The following LMBR1 variants were observed in gnomAD, a reference collection of about 807,000 sequenced individuals.
LMBR1 encodes limb development membrane protein 1.
Under a neutral mutation model 73.9 loss-of-function variants are expected in LMBR1, and 52 were observed. That is an observed-to-expected ratio of 0.70 (90% confidence interval 0.56 to 0.89). LMBR1 has a LOEUF of 0.89. Ranked by LOEUF, LMBR1 falls within the 40% of genes least tolerant of loss-of-function variation. LMBR1 has a pLI of 0.00. For missense variants in LMBR1, 539 were observed against 579.8 expected (o/e 0.93, Z 0.72); for synonymous variants, 215 against 209.4 (o/e 1.03, Z -0.23).
At chr7:156,877,403 C>G (rs1800339438) in intron 1 of LMBR1, among the ~76,000 whole-genome samples, 1 of 152,118 alleles carries the variant, frequency 6.6e-6, no homozygotes, top group Non-Finnish European at 1.5e-5. Flanking sequence ...TTCTATGAAG[C>G]CAGTATCATC....
At chr7:156,757,899 C>T (rs748952053) in intron 8 of LMBR1, among the ~76,000 whole-genome samples, 7 of 152,096 alleles carry the variant, frequency 4.6e-5, no homozygotes, top group East Asian at 1.9e-4. Context: ...CATACCAACT[C>T]GATCCTTGAG....
intron 1 of LMBR1, among the ~76,000 whole-genome samples, chr7:156,853,129 G>A (rs904220865): frequency 2.0e-5 from 3 of 151,632 alleles, no homozygotes; most frequent in Admixed American, 6.6e-5. Flanking sequence ...TAGTAGAGAC[G>A]GGATTTCACT....
chr7:156,694,152 C>T (rs1278299010), intron 15 of LMBR1, among the ~76,000 whole-genome samples: 2 of 152,012 alleles, frequency 1.3e-5, no homozygotes, highest in African/African-American at 2.4e-5. Context: ...ATTTATCTCA[C>T]CATAATAGAG....
chr7:156,783,987 G>GT (rs1391564136), intron 5 of LMBR1, among the ~76,000 whole-genome samples: 4 of 145,522 alleles, frequency 2.7e-5, no homozygotes, highest in Admixed American at 2.7e-4. Flanking sequence ...TGTTATTTTG[G>GT]GTTTTTTTCT....
intron 4 of LMBR1, among the ~76,000 whole-genome samples, chr7:156,811,152 T>A (rs1260786601): frequency 6.6e-6 from 1 of 152,172 alleles, no homozygotes; most frequent in Non-Finnish European, 1.5e-5. Context: ...CTCAAATTCA[T>A]TAATCTCTTC....
chr7:156,874,963 C>T (rs1389016680), intron 1 of LMBR1, among the ~76,000 whole-genome samples: 17 of 152,090 alleles, frequency 1.1e-4, no homozygotes, highest in Non-Finnish European at 2.9e-5. Context: ...CCTGATTTAC[C>T]TGAAAAATAA....
At chr7:156,824,559 TA>T (rs1166123419) in intron 4 of LMBR1, among the ~76,000 whole-genome samples, 1 of 152,148 alleles carries the variant, frequency 6.6e-6, no homozygotes. Flanking sequence ...GTGTCACACA[TA>T]AAAAGTGACA....
downstream of LMBR1, chr7:156,676,433 G>C: frequency 1.2e-6 from 2 of 1,614,068 alleles, no homozygotes; most frequent in Non-Finnish European, 1.7e-6. Context: ...TGCGCCGGGA[G>C]ACCCACGAGT....
chr7:156,800,955 G>A (rs951856559), intron 4 of LMBR1, among the ~76,000 whole-genome samples: 4 of 152,188 alleles, frequency 2.6e-5, no homozygotes, highest in East Asian at 3.8e-4. Context: ...TGAAATGAAC[G>A]AGGAGCTGCT....
chr7:156,867,390 T>G (rs1435020773), intron 1 of LMBR1, among the ~76,000 whole-genome samples: 2 of 152,248 alleles, frequency 1.3e-5, no homozygotes, highest in Non-Finnish European at 2.9e-5. Context: ...AGTTACTTTA[T>G]GACGCAGCAT....
chr7:156,711,274 G>A (rs975578338), intron 15 of LMBR1, among the ~76,000 whole-genome samples: 1 of 152,138 alleles, frequency 6.6e-6, no homozygotes, highest in African/African-American at 2.4e-5. Flanking sequence ...TTACGCCACT[G>A]CACTCCAGCC....
Position 156,688,053 on chromosome 7 carries a change from C to T in LMBR1, c.1364G>A (p.Arg455Gln). Residue 455 changes from arginine to glutamine, a missense_variant, in exon 16 of 17, where the codon CGA (arginine) becomes CAA (glutamine). Physicochemically the swap from Arg to Gln is conservative, Grantham distance 43. Transcript: ENST00000353442. Reference protein sequence around the residue: ...CLVRKFTSAVREELFKALGLH... With the variant: ...CLVRKFTSAVQEELFKALGLH... ...ACCTAGGGCCTTGAAAAGTTCTTCT[C>T]GAACTGCAGAGGTGAATTTTCGGAC... 1.2e-6 allele frequency: 2 copies of T among 1,607,554 alleles called. No homozygotes were observed. Among genetic ancestry groups the T allele is most frequent in the Non-Finnish European group, 1.7e-6 (2 of 1,177,994 alleles).
intron 1 of LMBR1, among the ~76,000 whole-genome samples, chr7:156,850,028 T>C (rs1404555188): frequency 1.3e-5 from 2 of 152,216 alleles, no homozygotes; most frequent in Non-Finnish European, 2.9e-5. Flanking sequence ...AGTAATACGA[T>C]TGCATTAGTG....
intron 4 of LMBR1, among the ~76,000 whole-genome samples, chr7:156,811,251 C>T (rs928024486): frequency 6.6e-6 from 1 of 150,464 alleles, no homozygotes. Context: ...TGTTTTTTTA[C>T]ATCTTTTACA....
At position 156,879,663 on chromosome 7, in the gene LMBR1, C is replaced by CAAAA. The variant is rs751353773; in HGVS notation, c.66+13261_66+13264dup. On this transcript the variant is annotated intron_variant, in intron 1 of 16. Transcript: ENST00000353442. The stretch of plus-strand genomic sequence containing the variant: ...TGGGTGACAGAGCGAGACTCTGTCT[C>CAAAA]AAAAAAAAAAAAAAAAAAGTGGGCT... Among the ~76,000 whole-genome samples, 86 of 92,354 alleles carry CAAAA rather than the reference C, an allele frequency of 9.3e-4. 4 individuals are homozygous for CAAAA. Among genetic ancestry groups the CAAAA allele is most frequent in the Non-Finnish European group, 1.4e-3 (64 of 46,156 alleles). The allele number at this position is 92,354 out of a possible 152,430, so 60.6% of individuals were successfully genotyped here.
At chr7:156,707,178 T>C (rs1054846348) in intron 15 of LMBR1, among the ~76,000 whole-genome samples, 2 of 151,884 alleles carry the variant, frequency 1.3e-5, no homozygotes, top group Admixed American at 1.3e-4. Context: ...CCTCTCAAGA[T>C]TGAACCGGGA....
downstream of LMBR1, chr7:156,676,533 T>C: frequency 6.2e-7 from 1 of 1,614,114 alleles, no homozygotes; most frequent in Non-Finnish European, 8.5e-7. Context: ...CCTGTCCTGC[T>C]CACATGTGTT....
At chr7:156,718,601 T>C (rs1421635851) in intron 15 of LMBR1, among the ~76,000 whole-genome samples, 1 of 151,738 alleles carries the variant, frequency 6.6e-6, no homozygotes, top group Non-Finnish European at 1.5e-5. Flanking sequence ...TGGTGTGGTG[T>C]AAGTAGCTGC....
At chr7:156,779,667 G>A (rs1216515256) in intron 5 of LMBR1, 8 of 1,281,826 alleles carry the variant, frequency 6.2e-6, no homozygotes, top group Non-Finnish European at 8.1e-6. Flanking sequence ...AAGCTCTATG[G>A]AGAAGCTGTC....
Sources: gnomAD v4.1 joint callset for allele counts (sites outside exome capture counted in the v4.1 genomes callset) on GRCh38, gnomAD v4.1.1 for gene constraint, MANE v1.5 for transcripts, NCBI Gene and HGNC (gene_info 2026-07-23, HGNC 2026-07-21) for gene names.